CSGALNACT1: variants seen among roughly 807,000 people sequenced by gnomAD.
The protein encoded by CSGALNACT1 is beta4GalNAcT-1.
In CSGALNACT1, 52 loss-of-function variants were observed where a neutral mutation model predicts 51.0. The ratio of observed to expected loss-of-function variants is 1.02; its 90% CI spans 0.82 to 1.29. The LOEUF is 1.29. Among genes scored for constraint, CSGALNACT1 ranks in the 50% most tolerant of loss-of-function variants. The pLI is 0.00. For synonymous variants in CSGALNACT1, 341 were observed against 254.4 expected, an observed-to-expected ratio of 1.34 and a Z score of -3.24; for missense variants, 935 against 679.2, an observed-to-expected ratio of 1.38 and a Z score of -4.19.
At chr8:19,670,758 T>A (rs989441368) in intron 1 of CSGALNACT1, among the ~76,000 whole-genome samples, 12 of 152,034 alleles carry the variant, frequency 7.9e-5, no homozygotes, top group Non-Finnish European at 4.4e-5. Context: ...GCATATGTGC[T>A]TAAAGCATTT....
chr8:19,586,580 A>G (rs2046708524), intron 3 of CSGALNACT1, among the ~76,000 whole-genome samples: 1 of 151,764 alleles, frequency 6.6e-6, no homozygotes, highest in Non-Finnish European at 1.5e-5. Context: ...GCATCTGTAG[A>G]TTTTTTTAAA....
chr8:19,671,471 A>G (rs1156743957), intron 1 of CSGALNACT1, among the ~76,000 whole-genome samples: 1 of 152,152 alleles, frequency 6.6e-6, no homozygotes, highest in Non-Finnish European at 1.5e-5. Context: ...ACACCCACCA[A>G]TATCATAATC....
intron 1 of CSGALNACT1, among the ~76,000 whole-genome samples, chr8:19,753,512 C>T (rs898944041): frequency 2.0e-5 from 3 of 152,170 alleles, no homozygotes; most frequent in Non-Finnish European, 4.4e-5. Context: ...TTCTCTGTTG[C>T]TAGTTTTTGT....
At chr8:19,653,270 G>A (rs1220777564) in intron 1 of CSGALNACT1, among the ~76,000 whole-genome samples, 2 of 152,036 alleles carry the variant, frequency 1.3e-5, no homozygotes, top group African/African-American at 4.8e-5. Context: ...TCCTTCTAAG[G>A]GAGGCTGAGC....
intron 4 of CSGALNACT1, among the ~76,000 whole-genome samples, chr8:19,471,473 C>T (rs2068153690): frequency 6.6e-6 from 1 of 152,092 alleles, no homozygotes; most frequent in Non-Finnish European, 1.5e-5. Flanking sequence ...GTTCTAAAGC[C>T]TTTTAAAATG....
intron 4 of CSGALNACT1, among the ~76,000 whole-genome samples, chr8:19,469,286 G>C (rs2067506984): frequency 6.6e-6 from 1 of 152,178 alleles, no homozygotes; most frequent in African/African-American, 2.4e-5. Flanking sequence ...AGCTACTTAG[G>C]CGGTGCAGGC....
chr8:19,500,369 C>T (rs778197474), intron 4 of CSGALNACT1, among the ~76,000 whole-genome samples: 62 of 152,176 alleles, frequency 4.1e-4, no homozygotes, highest in Non-Finnish European at 4.6e-4. Context: ...CCCACTCTTC[C>T]TTATTTCTGC....
chr8:19,555,463 A>G (rs559682606), intron 3 of CSGALNACT1, among the ~76,000 whole-genome samples: 1 of 152,322 alleles, frequency 6.6e-6, no homozygotes, highest in African/African-American at 2.4e-5. Context: ...TATAACTCCC[A>G]AACTTTTCGA....
intron 3 of CSGALNACT1, among the ~76,000 whole-genome samples, chr8:19,576,494 A>G (rs1411620662): frequency 6.6e-6 from 1 of 151,254 alleles, no homozygotes; most frequent in Non-Finnish European, 1.5e-5. Flanking sequence ...CACCCGGCCT[A>G]TTCCTAATCT....
chr8:19,628,271 G>A (rs145056465), intron 1 of CSGALNACT1, among the ~76,000 whole-genome samples: 1 of 152,270 alleles, frequency 6.6e-6, no homozygotes, highest in East Asian at 1.9e-4. Flanking sequence ...TGTAATCATG[G>A]CGCAAGGCCA....
At chr8:19,623,405 T>C (rs1262588164) in intron 1 of CSGALNACT1, among the ~76,000 whole-genome samples, 1 of 152,240 alleles carries the variant, frequency 6.6e-6, no homozygotes, top group Non-Finnish European at 1.5e-5. Context: ...ATACTTTTGC[T>C]TTTAACCTCT....
chr8:19,712,837 A>G (rs1261153363), intron 1 of CSGALNACT1, among the ~76,000 whole-genome samples: 2 of 152,212 alleles, frequency 1.3e-5, no homozygotes, highest in African/African-American at 4.8e-5. Context: ...AAATGTGCAG[A>G]GGGCCAAGCT....
intron 8 of CSGALNACT1, among the ~76,000 whole-genome samples, chr8:19,413,666 C>T (rs995830952): frequency 6.6e-6 from 1 of 152,098 alleles, no homozygotes; most frequent in African/African-American, 2.4e-5. Context: ...AAGGGTGTGA[C>T]CAGAGAGAGG....
intron 4 of CSGALNACT1, among the ~76,000 whole-genome samples, chr8:19,499,847 G>T (rs1031919347): frequency 6.6e-6 from 1 of 152,144 alleles, no homozygotes; most frequent in African/African-American, 2.4e-5. Flanking sequence ...TCTAGCATGG[G>T]GCTCTTCAGG....
intron 8 of CSGALNACT1, among the ~76,000 whole-genome samples, chr8:19,411,088 C>T (rs1362021794): frequency 2.0e-5 from 3 of 152,180 alleles, no homozygotes; most frequent in Admixed American, 2.0e-4. Flanking sequence ...TCTCCATGCT[C>T]ACAGGTCTCC....
intron 3 of CSGALNACT1, among the ~76,000 whole-genome samples, chr8:19,552,495 T>G (rs2088413994): frequency 6.6e-6 from 1 of 152,092 alleles, no homozygotes; most frequent in Non-Finnish European, 1.5e-5. Context: ...CCAAGTTTCT[T>G]TTTTTTGTCT....
In CSGALNACT1 at chr8:19,753,532, G is replaced by A. The variant is rs550597059; in HGVS notation, c.-297+4318C>T. Reference sequence around the variant, plus strand: ...TGTTGCTAGTTTTTGTTGTGGTTTCGTTGGGTTTTGTCCATTTGCTTCTGA... The same window carrying A: ...TGTTGCTAGTTTTTGTTGTGGTTTCATTGGGTTTTGTCCATTTGCTTCTGA... On this transcript the variant is annotated intron_variant, in intron 1 of 1. Coordinates refer to the CSGALNACT1 transcript ENST00000517494. 2.3e-3 allele frequency among the ~76,000 whole-genome samples: 344 copies of A among 152,222 alleles called. 2 individuals carry two copies. Among genetic ancestry groups the A allele is most frequent in the African/African-American group, 7.9e-3 (329 of 41,546 alleles).
At chr8:19,599,497 AAAG>A (rs2049862802) in intron 2 of CSGALNACT1, among the ~76,000 whole-genome samples, 1 of 149,240 alleles carries the variant, frequency 6.7e-6, no homozygotes, top group Non-Finnish European at 1.5e-5. Context: ...AGAAAGAAAG[AAAG>A]AAAGAAAGAA....
In CSGALNACT1 at chr8:19,561,589, G is replaced by A. The variant is rs540301655; in HGVS notation, c.-297+29571C>T. On this transcript the variant is annotated intron_variant, in intron 3 of 9. Transcript: ENST00000454498. The stretch of plus-strand genomic sequence containing the variant: ...GCTAAAGGCGGCCTTGGCCTGTCCT[G>A]CAGCAGGTGTGATGATTAAGATCCA... Among the ~76,000 whole-genome samples the A allele has an allele frequency of 2.2e-3, 333 of 152,342 alleles. 3 individuals carry two copies. The highest frequency in any genetic ancestry group is 7.8e-3 in the African/African-American group (323 of 41,576).
Sources: gnomAD v4.1 joint callset for allele counts (sites outside exome capture counted in the v4.1 genomes callset) on GRCh38, gnomAD v4.1.1 for gene constraint, MANE v1.5 for transcripts, NCBI Gene and HGNC (gene_info 2026-07-23, HGNC 2026-07-21) for gene names.